DLGAP1: variants seen among roughly 807,000 people sequenced by gnomAD.
DLGAP1 encodes disks large-associated protein 1.
A neutral mutation model predicts 90.8 loss-of-function variants in DLGAP1; 11 were observed. That is an observed-to-expected ratio of 0.12 (90% confidence interval 0.08 to 0.20). DLGAP1 has a LOEUF of 0.20. Ranked by LOEUF, DLGAP1 falls within the 10% of genes least tolerant of loss-of-function variation. The pLI is 1.00. For synonymous variants in DLGAP1, 558 were observed against 540.7 expected (o/e 1.03, Z -0.44); for missense variants, 1,050 against 1,333.8 (o/e 0.79, Z 3.31).
chr18:3,646,421 A>C (rs1188262636), intron 7 of DLGAP1, among the ~76,000 whole-genome samples: 1 of 152,160 alleles, frequency 6.6e-6, no homozygotes, highest in Non-Finnish European at 1.5e-5. Context: ...AAAAGAAAAC[A>C]AATAAAACCC....
rs184267302 is a variant in DLGAP1, at chr18:4,367,936, T to G, written c.-267+87070A>C. ...CGTATTTTCTCAACAATTTTCAAAA[T>G]TTGATGAATCTTGATGAATCAAAAA... is the stretch of plus-strand genomic sequence containing the variant. On this transcript the variant is annotated intron_variant, in intron 1 of 12. Transcript: ENST00000315677. Among the ~76,000 whole-genome samples, 13 of 147,392 alleles carry G rather than the reference T, an allele frequency of 8.8e-5. No individual in the cohort carries two copies. The East Asian group carries it at 2.5e-3, about 28-fold the overall frequency.
chr18:4,192,314 G>A (rs1383986464), intron 1 of DLGAP1, among the ~76,000 whole-genome samples: 1 of 152,152 alleles, frequency 6.6e-6, no homozygotes, highest in Non-Finnish European at 1.5e-5. Context: ...GCTTATGATA[G>A]AACAATGATG....
At chr18:3,968,402 T>C (rs2073373691) in intron 3 of DLGAP1, among the ~76,000 whole-genome samples, 1 of 152,152 alleles carries the variant, frequency 6.6e-6, no homozygotes, top group Non-Finnish European at 1.5e-5. Flanking sequence ...TCCCTATTAA[T>C]CAGTGTGTCA....
intron 3 of DLGAP1, among the ~76,000 whole-genome samples, chr18:3,930,033 T>C (rs2148927421): frequency 6.6e-6 from 1 of 152,344 alleles, no homozygotes; most frequent in Non-Finnish European, 1.5e-5. Flanking sequence ...AGTAAGTGTC[T>C]GCTGGGCTAA....
At chr18:3,617,703 C>A (rs765617932) in intron 7 of DLGAP1, among the ~76,000 whole-genome samples, 1 of 151,998 alleles carries the variant, frequency 6.6e-6, no homozygotes, top group African/African-American at 2.4e-5. Context: ...GCCACAAACC[C>A]TTGATTTGTG....
chr18:4,100,682 T>C (rs574577594), intron 2 of DLGAP1, among the ~76,000 whole-genome samples: 42 of 150,866 alleles, frequency 2.8e-4, no homozygotes, highest in African/African-American at 1.0e-3. Context: ...TTCACCTACA[T>C]TTCAAATCTG....
At chr18:3,576,262 C>CTTT (rs1310824538) in intron 8 of DLGAP1, among the ~76,000 whole-genome samples, 64 of 142,864 alleles carry the variant, frequency 4.5e-4, no homozygotes, top group African/African-American at 1.6e-3. Flanking sequence ...CCTCCAACTC[C>CTTT]TTTTTTTTTT....
At chr18:3,703,501 G>GC (rs1431007829) in intron 7 of DLGAP1, among the ~76,000 whole-genome samples, 2 of 152,212 alleles carry the variant, frequency 1.3e-5, no homozygotes, top group African/African-American at 4.8e-5. Flanking sequence ...AAGTGCAGTG[G>GC]CCCTGATCTC....
chr18:4,054,049 A>C (rs1045317541), intron 2 of DLGAP1, among the ~76,000 whole-genome samples: 1 of 152,216 alleles, frequency 6.6e-6, no homozygotes, highest in African/African-American at 2.4e-5. Context: ...GGGTGAGGTC[A>C]AAGGGCAGTG....
chr18:4,122,334 T>C (rs184234252), intron 2 of DLGAP1, among the ~76,000 whole-genome samples: 69 of 152,344 alleles, frequency 4.5e-4, no homozygotes, highest in African/African-American at 1.5e-3. Context: ...GATAGTTCAC[T>C]TTAGTCCTTA....
intron 3 of DLGAP1, chr18:3,892,083 A>AG (rs141122116): frequency 0.094 from 13,909 of 148,678 alleles, 857 homozygotes; most frequent in Non-Finnish European, 0.12. Context: ...CTTAATCACT[A>AG]GGCCATAATG....
chr18:3,964,198 A>T (rs1206312384), intron 3 of DLGAP1, among the ~76,000 whole-genome samples: 1 of 152,218 alleles, frequency 6.6e-6, no homozygotes, highest in Non-Finnish European at 1.5e-5. Flanking sequence ...TCTTTAAAAA[A>T]GGGGCAGTGC....
At chr18:4,093,284 A>C (rs2075617794) in intron 2 of DLGAP1, among the ~76,000 whole-genome samples, 1 of 152,090 alleles carries the variant, frequency 6.6e-6, no homozygotes, top group Non-Finnish European at 1.5e-5. Context: ...AAAAGGAAAA[A>C]CCCAATGTGA....
At position 4,005,129 on chromosome 18, in the gene DLGAP1, G is replaced by A. The variant is rs924534996; in HGVS notation, c.-86C>T. 1.3e-5 allele frequency: 2 copies of A among 152,082 alleles called. No homozygotes were observed. The highest frequency in any genetic ancestry group is 1.5e-5 in the Non-Finnish European group (1 of 68,028). 9.4% of individuals were successfully genotyped at this position (152,082 alleles called of 1,614,324 possible). A position where few individuals can be genotyped will look rare whatever the true frequency, so the allele number is the denominator to read the frequency against. On this transcript the variant is annotated 5_prime_UTR_variant, in exon 3 of 13. The change creates a new upstream start codon in the 5' untranslated region. Coordinates refer to ENST00000315677, the MANE Select transcript of DLGAP1 (RefSeq NM_004746.4). ...ACCATGACTTACTGTTCTTAGCGCC[G>A]TTGTCATTCAATCAGGAATTCTCTC...
At chr18:3,617,416 T>C (rs981055492) in intron 7 of DLGAP1, among the ~76,000 whole-genome samples, 13 of 151,888 alleles carry the variant, frequency 8.6e-5, no homozygotes, top group African/African-American at 3.1e-4. Context: ...TTGACCAACA[T>C]GGTGAAACCC....
At chr18:4,233,757 A>G (rs966399110) in intron 1 of DLGAP1, among the ~76,000 whole-genome samples, 13 of 152,168 alleles carry the variant, frequency 8.5e-5, no homozygotes, top group Admixed American at 2.6e-4. Context: ...TGGAGATAAA[A>G]GATACTTTTT....
chr18:4,429,628 G>A (rs2083237781), intron 1 of DLGAP1, among the ~76,000 whole-genome samples: 1 of 152,294 alleles, frequency 6.6e-6, no homozygotes, highest in East Asian at 1.9e-4. Flanking sequence ...TACCACTTGT[G>A]TGAGTCTAAA....
intron 2 of DLGAP1, among the ~76,000 whole-genome samples, chr18:4,083,027 C>CGA (rs1190844480): frequency 6.6e-6 from 1 of 152,148 alleles, no homozygotes; most frequent in Non-Finnish European, 1.5e-5. Context: ...ATGGCCGTTT[C>CGA]AGGCTATGAT....
intron 9 of DLGAP1, among the ~76,000 whole-genome samples, chr18:3,567,215 T>C (rs2054485338): frequency 6.6e-6 from 1 of 152,162 alleles, no homozygotes; most frequent in Non-Finnish European, 1.5e-5. Context: ...TTTTTTGTTT[T>C]CAGAGGTATA....
Sources: gnomAD v4.1 joint callset for allele counts (sites outside exome capture counted in the v4.1 genomes callset) on GRCh38, gnomAD v4.1.1 for gene constraint, MANE v1.5 for transcripts, NCBI Gene and HGNC (gene_info 2026-07-23, HGNC 2026-07-21) for gene names.